Variants in PIK3AP1 observed in about 807,000 individuals in gnomAD.
The protein encoded by PIK3AP1 is phosphoinositide-3-kinase adaptor protein 1.
Under a neutral mutation model 88.1 loss-of-function variants are expected in PIK3AP1, and 21 were observed. That is an observed-to-expected ratio of 0.24 (90% CI 0.17 to 0.34). The LOEUF (loss-of-function observed/expected upper bound fraction) is 0.34, where lower values mean the gene tolerates loss of function less well. Ranked by LOEUF, PIK3AP1 falls within the 10% of genes least tolerant of loss-of-function variation. PIK3AP1 has a pLI of 1.00. For missense variants in PIK3AP1, 828 were observed against 1,035.7 expected, an observed-to-expected ratio of 0.80 and a Z score of 2.75; for synonymous variants, 398 against 400.0, an observed-to-expected ratio of 1.00 and a Z score of 0.06.
rs555525151 is a variant in PIK3AP1 at position 96,593,653 on chromosome 10, A to G, written c.*1924T>C. On this transcript the variant is annotated 3_prime_UTR_variant, in exon 17 of 17. Transcript: ENST00000339364. ...TCTTCTTCTTATCTCACGTGCCCCT[A>G]TTTCTCCCAAATAAGTGACAAGGAG... 6.6e-6 allele frequency: 1 copy of G among 152,318 alleles called. No individual in the cohort carries two copies. The highest frequency in any genetic ancestry group is 2.4e-5 in the African/African-American group (1 of 41,576). 9.4% of individuals were successfully genotyped at this position (152,318 alleles called of 1,614,324 possible). A position where few individuals can be genotyped will look rare whatever the true frequency, so the allele number is the denominator to read the frequency against.
At chr10:96,707,918 G>A (rs1358635579) in intron 2 of PIK3AP1, among the ~76,000 whole-genome samples, 3 of 152,204 alleles carry the variant, frequency 2.0e-5, no homozygotes, top group Non-Finnish European at 2.9e-5. Flanking sequence ...GGTGAGACAT[G>A]TTTTACATTC....
chr10:96,699,225 C>T (rs1465649941), intron 2 of PIK3AP1, among the ~76,000 whole-genome samples: 1 of 152,092 alleles, frequency 6.6e-6, no homozygotes, highest in African/African-American at 2.4e-5. Context: ...TGATAGATGG[C>T]TCCTATTCTC....
chr10:96,604,484 C>A (rs1192534112), intron 14 of PIK3AP1, among the ~76,000 whole-genome samples: 1 of 151,212 alleles, frequency 6.6e-6, no homozygotes, highest in Non-Finnish European at 1.5e-5. Context: ...AAGTGTGAAC[C>A]ACTATGTCCA....
intron 9 of PIK3AP1, 75 bp downstream of exon 9, chr10:96,628,323 A>G (rs1843180889): frequency 7.7e-7 from 1 of 1,295,146 alleles, no homozygotes; most frequent in East Asian, 2.3e-5. Context: ...AGCAACCCTC[A>G]TAGAGAACCA....
rs142950938 is a variant in PIK3AP1, at chr10:96,626,103, T to C, written c.1669+605A>G. ...TATTATTGCAATCGAGTCGAAAAAA[T>C]AGTGAAACTAACAATGCTATCAGTA... On this transcript the variant is annotated intron_variant, in intron 10 of 16. Coordinates refer to ENST00000339364, the MANE Select transcript of PIK3AP1 (RefSeq NM_152309.3). Among the ~76,000 whole-genome samples the C allele has an allele frequency of 5.9e-5, 9 of 152,210 alleles. No homozygotes were observed. In the East Asian group the frequency reaches 1.7e-3, roughly 29 times the overall value.
intron 13 of PIK3AP1, among the ~76,000 whole-genome samples, chr10:96,613,724 A>T (rs1434717664): frequency 6.6e-6 from 1 of 152,094 alleles, no homozygotes; most frequent in Non-Finnish European, 1.5e-5. Flanking sequence ...AACCTTGCAT[A>T]ATGTTTCAGA....
chr10:96,695,474 T>TC (rs971560475), intron 2 of PIK3AP1, among the ~76,000 whole-genome samples: 16 of 152,180 alleles, frequency 1.1e-4, no homozygotes, highest in African/African-American at 3.9e-4. Flanking sequence ...ATCATCAGCC[T>TC]CCCCCGCTAT....
chr10:96,650,273 G>T (rs1235844756), intron 6 of PIK3AP1, among the ~76,000 whole-genome samples: 1 of 152,214 alleles, frequency 6.6e-6, no homozygotes. Context: ...TTAGACTACA[G>T]AAGGATGGAA....
intron 2 of PIK3AP1, among the ~76,000 whole-genome samples, chr10:96,706,925 A>G (rs963606256): frequency 1.3e-5 from 2 of 152,236 alleles, no homozygotes; most frequent in Non-Finnish European, 2.9e-5. Flanking sequence ...ACCAGATAAG[A>G]AAGTTATATT....
At chr10:96,693,942 C>T (rs1844187889) in intron 2 of PIK3AP1, among the ~76,000 whole-genome samples, 2 of 152,152 alleles carry the variant, frequency 1.3e-5, no homozygotes, top group South Asian at 4.1e-4. Flanking sequence ...AAATGACTGC[C>T]CTGCCTGAAA....
rs1423587740 is a variant in PIK3AP1 at position 96,616,715 on chromosome 10, GA to G, written c.1942-5del. 1.2e-6 allele frequency: 2 copies of G among 1,613,986 alleles called. No individual in the cohort carries two copies. Among genetic ancestry groups the G allele is most frequent in the East Asian group, 2.2e-5 (1 of 44,878 alleles). ...CTCTTAGCCGTTTAAGATTTTCCTG[GA>G]AAAAAATTTGGTTTATTTTTTAAGT... On this transcript the variant is annotated splice_region_variant and splice_polypyrimidine_tract_variant and intron_variant, in intron 12 of 16. Transcript: ENST00000339364.
intron 2 of PIK3AP1, among the ~76,000 whole-genome samples, chr10:96,685,814 C>T (rs1335411110): frequency 6.6e-6 from 1 of 152,154 alleles, no homozygotes; most frequent in East Asian, 1.9e-4. Flanking sequence ...ATGGAGGCAT[C>T]TTCAGGGATG....
intron 2 of PIK3AP1, chr10:96,700,852 T>C (rs1844288169): frequency 1.0e-6 from 1 of 985,608 alleles, no homozygotes; most frequent in Non-Finnish European, 1.2e-6. Context: ...TCCCCTTTGC[T>C]CAGAGGGTCT....
intron 8 of PIK3AP1, among the ~76,000 whole-genome samples, chr10:96,639,375 G>A (rs750916069): frequency 2.0e-4 from 30 of 152,132 alleles, no homozygotes; most frequent in Non-Finnish European, 4.1e-4. Flanking sequence ...GCTTCCTATC[G>A]AGGCCAGGAG....
chr10:96,597,046 C>G (rs1017298079), intron 16 of PIK3AP1, among the ~76,000 whole-genome samples: 5 of 152,132 alleles, frequency 3.3e-5, no homozygotes, highest in Non-Finnish European at 7.4e-5. Context: ...CACAGACAAC[C>G]TTGGGAGGTC....
Position 96,603,094 on chromosome 10 carries a change from TAAG to T in PIK3AP1, c.2242-699_2242-697del, listed in dbSNP as rs1848932267. The stretch of plus-strand genomic sequence containing the variant: ...CCTGCTCCTTCCCACAGATGCCCCT[TAAG>T]GTTTCACTAGTAAGAGTGGATTTCC... On this transcript the variant is annotated intron_variant, in intron 15 of 16. Transcript: ENST00000339364. Among the ~76,000 whole-genome samples, 5 of 152,282 alleles carry T rather than the reference TAAG, an allele frequency of 3.3e-5. No individual in the cohort carries two copies. In the South Asian group the frequency reaches 8.3e-4, roughly 25 times the overall value.
chr10:96,710,297 C>T (rs1844422997), intron 1 of PIK3AP1, among the ~76,000 whole-genome samples: 1 of 152,198 alleles, frequency 6.6e-6, no homozygotes, highest in South Asian at 2.1e-4. Flanking sequence ...TCTCAGCTCA[C>T]TGCAACCTCT....
chr10:96,709,371 C>T (rs1844408128), intron 2 of PIK3AP1, among the ~76,000 whole-genome samples, 196 bp downstream of exon 2: 3 of 152,004 alleles, frequency 2.0e-5, no homozygotes, highest in South Asian at 4.1e-4. Flanking sequence ...GGGACAGTGT[C>T]CTCTTCCTCT....
intron 2 of PIK3AP1, among the ~76,000 whole-genome samples, chr10:96,694,712 T>G (rs1844198623): frequency 6.6e-6 from 1 of 152,070 alleles, no homozygotes; most frequent in African/African-American, 2.4e-5. Context: ...TATTTTACTT[T>G]ATTTTTGTAG....
Sources: gnomAD v4.1 joint callset for allele counts (sites outside exome capture counted in the v4.1 genomes callset) on GRCh38, gnomAD v4.1.1 for gene constraint, MANE v1.5 for transcripts, NCBI Gene and HGNC (gene_info 2026-07-23, HGNC 2026-07-21) for gene names.